Variants in CASZ1 observed in about 807,000 individuals in gnomAD.
CASZ1 encodes the protein zinc finger protein castor homolog 1.
Under a neutral mutation model 135.2 loss-of-function variants are expected in CASZ1, and 28 were observed. That is an observed-to-expected ratio of 0.21 (90% CI 0.15 to 0.28). The LOEUF is 0.28. Among genes scored for constraint, CASZ1 ranks in the 10% least tolerant of loss-of-function variants. CASZ1 has a pLI of 1.00. For synonymous variants in CASZ1, 1,068 were observed against 1,073.4 expected (o/e 0.99, Z 0.10); for missense variants, 2,161 against 2,453.3 (o/e 0.88, Z 2.52).
In CASZ1 at chr1:10,706,124, C is replaced by T. The variant is rs1639167769; in HGVS notation, c.-76-580G>A. 6.6e-6 allele frequency among the ~76,000 whole-genome samples: 1 copy of T among 152,276 alleles called. No individual in the cohort carries two copies. Among genetic ancestry groups the T allele is most frequent in the South Asian group, 2.1e-4 (1 of 4,836 alleles). On this transcript the variant is annotated intron_variant, in intron 2 of 20. Coordinates refer to ENST00000377022, the MANE Select transcript of CASZ1 (RefSeq NM_001079843.3). The surrounding 1 kb of genome is among the most constrained non-coding windows in gnomAD (Gnocchi z 4.3). Reference sequence around the variant, plus strand: ...AGGATCAGGCTGCCGACAGCACCTTCCACCCCGGGGTCCTACCCATGAGTC... The same window carrying T: ...AGGATCAGGCTGCCGACAGCACCTTTCACCCCGGGGTCCTACCCATGAGTC...
At position 10,794,007 on chromosome 1, in the gene CASZ1, G is replaced by A. The variant is rs1289414586; in HGVS notation, c.-234+2557C>T. Among the ~76,000 whole-genome samples, 3 of 152,156 alleles carry A rather than the reference G, an allele frequency of 2.0e-5. No individual in the cohort carries two copies. Among genetic ancestry groups the A allele is most frequent in the Non-Finnish European group, 2.9e-5 (2 of 68,002 alleles). ...GGCGCTTTGCGCTCGGGCGCCGAAC[G>A]GCCCAGCGCCCCCTCCGGGCACGTG... is the stretch of plus-strand genomic sequence containing the variant. On this transcript the variant is annotated intron_variant, in intron 1 of 20. Coordinates refer to ENST00000377022, the MANE Select transcript of CASZ1 (RefSeq NM_001079843.3). The surrounding 1 kb of genome is among the most constrained non-coding windows in gnomAD (Gnocchi z 5.6).
chr1:10,716,816 A>C (rs1639403008), intron 2 of CASZ1, among the ~76,000 whole-genome samples: 1 of 152,234 alleles, frequency 6.6e-6, no homozygotes, highest in African/African-American at 2.4e-5. Flanking sequence ...GCATGGAGTC[A>C]GTCCATCCCC....
At chr1:10,690,186 C>T (rs1219625568) in intron 4 of CASZ1, among the ~76,000 whole-genome samples, 3 of 152,228 alleles carry the variant, frequency 2.0e-5, no homozygotes, top group Admixed American at 6.5e-5. Context: ...TCTCAGTCCC[C>T]GGTGCCTGGC....
At chr1:10,730,834 AT>A (rs1400655729) in intron 2 of CASZ1, among the ~76,000 whole-genome samples, 1 of 152,208 alleles carries the variant, frequency 6.6e-6, no homozygotes, top group Non-Finnish European at 1.5e-5. Context: ...TAGGCTGGGT[AT>A]GGTGGCTCAT....
At chr1:10,768,202 G>A (rs1209759840) in intron 1 of CASZ1, among the ~76,000 whole-genome samples, 1 of 151,654 alleles carries the variant, frequency 6.6e-6, no homozygotes, top group Non-Finnish European at 1.5e-5. Flanking sequence ...GGTCATTATT[G>A]TTCGTTTGTT....
chr1:10,636,873 CATATAG>C lies in CASZ1; in HGVS notation c.*2063_*2068del, dbSNP rs1296152781. 3 of 151,688 alleles carry C rather than the reference CATATAG, an allele frequency of 2.0e-5. No individual in the cohort carries two copies. Among genetic ancestry groups the C allele is most frequent in the Non-Finnish European group, 4.4e-5 (3 of 67,922 alleles). 9.4% of individuals were successfully genotyped at this position (151,688 alleles called of 1,614,324 possible). The stretch of plus-strand genomic sequence containing the variant: ...CTCTATATATCTATATATGTATATA[CATATAG>C]ATATATACACACACATATGTGCATA... On this transcript the variant is annotated 3_prime_UTR_variant, in exon 21 of 21. Coordinates refer to ENST00000377022, the MANE Select transcript of CASZ1 (RefSeq NM_001079843.3).
chr1:10,739,251 G>T lies in CASZ1; in HGVS notation c.-77+21450C>A, dbSNP rs1027775125. On this transcript the variant is annotated intron_variant, in intron 2 of 20. Transcript: ENST00000377022. This position sits in a 1 kb window ranked among gnomAD's most constrained non-coding sequence, Gnocchi z 4.8. ...CTGCGGGACGGGTGCATTCACGAGG[G>T]GGGTGTGTGCGCCTGGGGGTCACCC... 1.3e-5 allele frequency among the ~76,000 whole-genome samples: 2 copies of T among 152,116 alleles called. No individual in the cohort carries two copies. Among genetic ancestry groups the T allele is most frequent in the African/African-American group, 2.4e-5 (1 of 41,420 alleles).
chr1:10,782,107 G>A (rs955662384), intron 1 of CASZ1, among the ~76,000 whole-genome samples: 3 of 152,218 alleles, frequency 2.0e-5, no homozygotes, highest in African/African-American at 4.8e-5. Context: ...TAGGAAAGAC[G>A]CTACCCCTCT....
intron 4 of CASZ1, among the ~76,000 whole-genome samples, chr1:10,670,437 C>T (rs537008463): frequency 1.4e-4 from 21 of 152,340 alleles, no homozygotes; most frequent in African/African-American, 3.8e-4. Context: ...CAGGGGCGGG[C>T]GGCTGCCGGG....
At chr1:10,680,824 T>C (rs905767909) in intron 4 of CASZ1, among the ~76,000 whole-genome samples, 7 of 152,372 alleles carry the variant, frequency 4.6e-5, no homozygotes, top group African/African-American at 1.7e-4. Context: ...GCCCCAGTCT[T>C]TGGGGACACA....
chr1:10,717,966 G>A lies in CASZ1; in HGVS notation c.-76-12422C>T, dbSNP rs1029340041. 2.6e-5 allele frequency among the ~76,000 whole-genome samples: 4 copies of A among 152,246 alleles called. No individual in the cohort carries two copies. The highest frequency in any genetic ancestry group is 4.4e-5 in the Non-Finnish European group (3 of 68,044). On this transcript the variant is annotated intron_variant, in intron 2 of 20. Transcript: ENST00000377022. This position sits in a 1 kb window ranked among gnomAD's most constrained non-coding sequence, Gnocchi z 4.6. ...CAGCGACCAAAGCGGGTGCAGGGAC[G>A]GGCCGAGGGGGCTACGGAGGCCCAT... is the stretch of plus-strand genomic sequence containing the variant.
chr1:10,644,035 G>A (rs1642289291), intron 18 of CASZ1, among the ~76,000 whole-genome samples: 1 of 152,246 alleles, frequency 6.6e-6, no homozygotes, highest in Admixed American at 6.5e-5. Flanking sequence ...TTGAAGGCAA[G>A]GTTTGTTTCC....
chr1:10,651,072 G>A lies in CASZ1; in HGVS notation c.2685C>T (p.Ser895=), dbSNP rs780975606. Residue 895 remains serine, a synonymous_variant, in exon 12 of 21, where the codon AGC becomes AGT. Transcript: ENST00000377022. The stretch of plus-strand genomic sequence containing the variant: ...ACCTGGCTGGGGTGACCTGCTGCCC[G>A]CTTCCTGCAGGGGAGGGGTGGGAAG... ...LKPSATFDPG[S]GQQVTPARFP... is the part of the protein sequence containing the mutation. The A allele has an allele frequency of 5.8e-5, 88 of 1,517,142 alleles. No homozygotes were observed. In the Middle Eastern group the frequency reaches 9.5e-4, roughly 16 times the overall value. The allele number at this position is 1,517,142 out of a possible 1,614,324, so 94.0% of individuals were successfully genotyped here.
chr1:10,639,263 G>A lies in CASZ1; in HGVS notation c.4959C>T (p.Asp1653=). 1.0e-6 allele frequency: 1 copy of A among 999,574 alleles called. No individual in the cohort carries two copies. Among genetic ancestry groups the A allele is most frequent in the Non-Finnish European group, 1.2e-6 (1 of 833,830 alleles). The allele number at this position is 999,574 out of a possible 1,614,324, so 61.9% of individuals were successfully genotyped here. The change falls in exon 21 of 21, where the codon GAC becomes GAT. Residue 1653 remains aspartate, a synonymous_variant. Coordinates refer to ENST00000377022, the MANE Select transcript of CASZ1 (RefSeq NM_001079843.3). This position sits in a 1 kb window ranked among gnomAD's most constrained non-coding sequence, Gnocchi z 4.0. ...CCTCGCGCGGCCCGGGGGCGGCGGC[G>A]TCGGGCGGGCCGGGGTCGCCCGCGT... is the stretch of plus-strand genomic sequence containing the variant. The part of the protein sequence containing the change: ...LGDAGDPGPP[D]AAAPGPREGA...
At position 10,747,442 on chromosome 1, in the gene CASZ1, C is replaced by T. The variant is rs76143083; in HGVS notation, c.-77+13259G>A. 6.6e-6 allele frequency among the ~76,000 whole-genome samples: 1 copy of T among 152,146 alleles called. No homozygotes were observed. The highest frequency in any genetic ancestry group is 2.1e-4 in the South Asian group (1 of 4,818). On this transcript the variant is annotated intron_variant, in intron 2 of 20. Coordinates refer to ENST00000377022, the MANE Select transcript of CASZ1 (RefSeq NM_001079843.3). The surrounding 1 kb of genome is among the most constrained non-coding windows in gnomAD (Gnocchi z 4.3). ...GGGTCTAACAGTGGCCAGGTCCCAG[C>T]GGCAGATGAAAGGCGTTCCACCCAG... is the stretch of plus-strand genomic sequence containing the variant.
intron 5 of CASZ1, among the ~76,000 whole-genome samples, chr1:10,662,240 CATTG>C (rs1245361285): frequency 1.4e-4 from 18 of 130,426 alleles, no homozygotes; most frequent in South Asian, 2.5e-4. Context: ...CACACACATA[CATTG>C]ACACCCACCC....
At chr1:10,655,893 C>A (rs1342505123) in intron 8 of CASZ1, 80 bp from the exon 9 acceptor site, 1 of 1,456,218 alleles carries the variant, frequency 6.9e-7, no homozygotes, top group Non-Finnish European at 9.5e-7. Flanking sequence ...AGCACCTGGG[C>A]CAGGTGCTGG....
Position 10,657,178 on chromosome 1 carries a change from C to T in CASZ1, c.1410-442G>A, listed in dbSNP as rs1188913792. ...TCTCTGTCCTGGGCTTTTCCTGACA[C>T]TTGAAACAGTGCAGAGCTATGAATT... On this transcript the variant is annotated intron_variant, in intron 7 of 20. Coordinates refer to ENST00000377022, the MANE Select transcript of CASZ1 (RefSeq NM_001079843.3). The surrounding 1 kb of genome is among the most constrained non-coding windows in gnomAD (Gnocchi z 5.7). Among the ~76,000 whole-genome samples the T allele has an allele frequency of 3.3e-5, 5 of 152,222 alleles. No homozygotes were observed. The highest frequency in any genetic ancestry group is 1.2e-4 in the African/African-American group (5 of 41,452).
intron 2 of CASZ1, among the ~76,000 whole-genome samples, chr1:10,746,680 G>A (rs1283497957): frequency 1.3e-5 from 2 of 152,230 alleles, no homozygotes; most frequent in Non-Finnish European, 2.9e-5. Flanking sequence ...TCCTAGAGCC[G>A]TCCTAGACCC....
Sources: allele counts gnomAD v4.1 joint callset (sites outside exome capture counted in the v4.1 genomes callset), GRCh38; gene constraint gnomAD v4.1.1; non-coding constraint Gnocchi (gnomAD v3.1); transcripts MANE v1.5; gene names NCBI Gene and HGNC (gene_info 2026-07-23, HGNC 2026-07-21).